The following KIAA1328 variants were observed in gnomAD, a reference collection of about 807,000 sequenced individuals.
KIAA1328 encodes KIAA1328.
In KIAA1328, 52 loss-of-function variants were observed where a neutral mutation model predicts 68.1. That is an observed-to-expected ratio of 0.76 (90% CI 0.61 to 0.96). The LOEUF (loss-of-function observed/expected upper bound fraction) is 0.96. Ranked by LOEUF, KIAA1328 falls within the 40% of genes least tolerant of loss-of-function variation. The pLI is 0.00. For synonymous variants in KIAA1328, 232 were observed against 239.4 expected, an observed-to-expected ratio of 0.97 and a Z score of 0.28; for missense variants, 641 against 677.6, an observed-to-expected ratio of 0.95 and a Z score of 0.60.
intron 6 of KIAA1328, among the ~76,000 whole-genome samples, chr18:36,979,636 A>G (rs987586565): frequency 2.0e-5 from 3 of 152,212 alleles, no homozygotes; most frequent in African/African-American, 7.2e-5. Context: ...TACCAATCCC[A>G]AGTGAGGATT....
intron 6 of KIAA1328, among the ~76,000 whole-genome samples, chr18:37,046,651 T>C (rs2055482716): frequency 6.6e-6 from 1 of 152,238 alleles, no homozygotes; most frequent in Non-Finnish European, 1.5e-5. Flanking sequence ...GCCTTCAAAC[T>C]AATTTTAAAA....
chr18:37,057,770 G>T (rs1051003218), intron 6 of KIAA1328, among the ~76,000 whole-genome samples: 2 of 151,954 alleles, frequency 1.3e-5, no homozygotes, highest in African/African-American at 2.4e-5. Flanking sequence ...TATAAATAAG[G>T]TTTTACTGTA....
chr18:36,954,687 CTT>C (rs35883053), intron 5 of KIAA1328, among the ~76,000 whole-genome samples: 485 of 121,070 alleles, frequency 4.0e-3, no homozygotes, highest in Non-Finnish European at 6.2e-3. Flanking sequence ...AAAGACTTCA[CTT>C]TTTTTTTTTT....
intron 9 of KIAA1328, among the ~76,000 whole-genome samples, chr18:37,173,922 G>A (rs1437808929): frequency 3.9e-5 from 6 of 152,176 alleles, no homozygotes; most frequent in African/African-American, 1.4e-4. Flanking sequence ...CTGTTCCACA[G>A]AAGCCAAACC....
chr18:37,100,617 C>A (rs1485102272), intron 7 of KIAA1328, among the ~76,000 whole-genome samples: 1 of 152,200 alleles, frequency 6.6e-6, no homozygotes, highest in African/African-American at 2.4e-5. Context: ...AAACAAAAGG[C>A]AGCAGAAACC....
At chr18:36,956,030 C>T (rs890296602) in intron 5 of KIAA1328, among the ~76,000 whole-genome samples, 3 of 152,112 alleles carry the variant, frequency 2.0e-5, no homozygotes, top group African/African-American at 7.2e-5. Flanking sequence ...TGATTTGTCT[C>T]TCACACAGTT....
intron 6 of KIAA1328, among the ~76,000 whole-genome samples, chr18:36,969,502 A>G (rs535939819): frequency 9.9e-4 from 151 of 152,346 alleles, no homozygotes; most frequent in African/African-American, 3.6e-3. Context: ...AGAGACTATT[A>G]TGAACACCTC....
chr18:36,999,242 A>G (rs967751691), intron 6 of KIAA1328, among the ~76,000 whole-genome samples: 13 of 152,208 alleles, frequency 8.5e-5, no homozygotes, highest in Non-Finnish European at 1.8e-4. Context: ...ATAAAAGAGA[A>G]TAAAAAGAAA....
chr18:37,204,335 C>T (rs1363387023), intron 9 of KIAA1328, among the ~76,000 whole-genome samples: 2 of 152,078 alleles, frequency 1.3e-5, no homozygotes, highest in Non-Finnish European at 2.9e-5. Flanking sequence ...GTTTTATTTA[C>T]CAAAGATTAC....
chr18:37,148,207 T>C (rs536456791), intron 7 of KIAA1328, among the ~76,000 whole-genome samples: 2 of 152,292 alleles, frequency 1.3e-5, no homozygotes, highest in African/African-American at 4.8e-5. Context: ...CAGCTCCCAC[T>C]TATAAGTGAG....
At chr18:36,860,661 A>C (rs552806571) in intron 4 of KIAA1328, among the ~76,000 whole-genome samples, 1 of 152,328 alleles carries the variant, frequency 6.6e-6, no homozygotes, top group African/African-American at 2.4e-5. Context: ...TGTATATTTA[A>C]ATTTTAACTC....
intron 6 of KIAA1328, among the ~76,000 whole-genome samples, chr18:36,989,862 T>G (rs568412383): frequency 2.0e-4 from 31 of 152,154 alleles, no homozygotes; most frequent in African/African-American, 7.0e-4. Context: ...GCTCAGCTAA[T>G]TTTTTGTATT....
intron 9 of KIAA1328, among the ~76,000 whole-genome samples, chr18:37,186,230 GGGA>G: frequency 6.6e-6 from 1 of 150,870 alleles, no homozygotes; most frequent in Non-Finnish European, 1.5e-5. Context: ...CCGAGTAGCT[GGGA>G]TTACAGACTT....
chr18:37,060,244 T>C (rs2056095451), intron 6 of KIAA1328, among the ~76,000 whole-genome samples: 1 of 152,158 alleles, frequency 6.6e-6, no homozygotes, highest in African/African-American at 2.4e-5. Flanking sequence ...GGTGACTGTT[T>C]AGAGAAATAA....
chr18:36,913,904 C>T (rs931751491), intron 5 of KIAA1328, among the ~76,000 whole-genome samples: 1 of 152,046 alleles, frequency 6.6e-6, no homozygotes, highest in Non-Finnish European at 1.5e-5. Context: ...CCATCAGTTG[C>T]TTGTGTGCTT....
At chr18:36,865,041 T>C (rs1470064781) in intron 4 of KIAA1328, among the ~76,000 whole-genome samples, 1 of 151,976 alleles carries the variant, frequency 6.6e-6, no homozygotes, top group Non-Finnish European at 1.5e-5. Flanking sequence ...TCTATTTCAT[T>C]GATTTTTTTT....
chr18:37,150,117 A>G (rs1301211756), intron 7 of KIAA1328, among the ~76,000 whole-genome samples: 2 of 152,206 alleles, frequency 1.3e-5, no homozygotes, highest in African/African-American at 4.8e-5. Flanking sequence ...CTAGTTAAGA[A>G]CTTTCCCATA....
intron 7 of KIAA1328, among the ~76,000 whole-genome samples, chr18:37,105,501 GAA>G (rs376818867): frequency 1.3e-4 from 13 of 100,318 alleles, no homozygotes; most frequent in Admixed American, 3.5e-4. Flanking sequence ...CTTTTTGAAG[GAA>G]AAAAAAAAAA....
At chr18:37,144,809 C>G (rs897733250) in intron 7 of KIAA1328, among the ~76,000 whole-genome samples, 3 of 152,094 alleles carry the variant, frequency 2.0e-5, no homozygotes, top group African/African-American at 7.2e-5. Context: ...GGATTACAGG[C>G]GTGATCCACC....
Sources: gnomAD v4.1 joint callset for allele counts (sites outside exome capture counted in the v4.1 genomes callset) on GRCh38, gnomAD v4.1.1 for gene constraint, MANE v1.5 for transcripts, NCBI Gene and HGNC (gene_info 2026-07-23, HGNC 2026-07-21) for gene names.